The following NCOA2 variants were observed in gnomAD, a reference collection of about 807,000 sequenced individuals.
The protein encoded by NCOA2 is class E basic helix-loop-helix protein 75.
In NCOA2, 21 loss-of-function variants were observed where a neutral mutation model predicts 145.1. The observed-to-expected ratio is 0.14, with a 90% CI of 0.10 to 0.21. The LOEUF (loss-of-function observed/expected upper bound fraction) is 0.21, where lower values mean the gene tolerates loss of function less well. NCOA2 is among the 10% of genes least tolerant of loss of function. The pLI is 1.00. For synonymous variants in NCOA2, 619 were observed against 637.5 expected (o/e 0.97, Z 0.44); for missense variants, 1,472 against 1,837.6 (o/e 0.80, Z 3.64).
chr8:70,123,187 T>C (rs544439879), intron 21 of NCOA2, among the ~76,000 whole-genome samples: 3 of 152,348 alleles, frequency 2.0e-5, no homozygotes, highest in African/African-American at 7.2e-5. Context: ...CGCAAAACAA[T>C]TATTTTAAAA....
rs946168697 is a variant in NCOA2, at chr8:70,156,104, G to A, written c.2261C>T (p.Thr754Ile). 1.9e-6 allele frequency: 3 copies of A among 1,613,832 alleles called. No individual in the cohort carries two copies. The highest frequency in any genetic ancestry group is 1.3e-5 in the African/African-American group (1 of 74,898). Residue 754 changes from threonine to isoleucine, a missense_variant, in exon 11 of 23, where the codon ACT (threonine) becomes ATT (isoleucine). Physicochemically the swap from Thr to Ile is moderately conservative, Grantham distance 89. This residue lies in a region of NCOA2 where 953 missense variants were observed against 1,062.1 expected (regional missense o/e 0.90). Coordinates refer to ENST00000452400, the MANE Select transcript of NCOA2 (RefSeq NM_006540.4). ...LLRYLLDKDD[T>I]KDIGLPEITP... ...TATTTCTGGTAAACCAATATCTTTA[G>A]TATCATCTTTATCTAGCAAATAGCG...
At chr8:70,137,967 C>T in intron 15 of NCOA2, 1 of 341,676 alleles carries the variant, frequency 2.9e-6, no homozygotes, top group Non-Finnish European at 5.2e-6. Flanking sequence ...CACACACTAC[C>T]TCAATATTAC....
intron 2 of NCOA2, among the ~76,000 whole-genome samples, chr8:70,250,827 TATTA>T (rs1823105754): frequency 6.6e-6 from 1 of 152,216 alleles, no homozygotes; most frequent in Non-Finnish European, 1.5e-5. Context: ...TCATTTGTAA[TATTA>T]ATTTGTAAAC....
intron 2 of NCOA2, among the ~76,000 whole-genome samples, chr8:70,280,036 A>G (rs77292733): frequency 0.037 from 5,585 of 152,296 alleles, 361 homozygotes; most frequent in African/African-American, 0.13. Context: ...ATGACTACAC[A>G]CATCAAGAAT....
At chr8:70,250,035 A>G (rs1246592906) in intron 2 of NCOA2, among the ~76,000 whole-genome samples, 1 of 151,426 alleles carries the variant, frequency 6.6e-6, no homozygotes, top group Admixed American at 6.6e-5. Flanking sequence ...AAACTGGGTG[A>G]GACCAGAGGT....
Position 70,374,512 on chromosome 8 carries a change from A to G in NCOA2, c.-77+29188T>C, listed in dbSNP as rs554987337. Among the ~76,000 whole-genome samples, 28 of 152,104 alleles carry G rather than the reference A, an allele frequency of 1.8e-4. No individual in the cohort carries two copies. The South Asian group carries it at 5.6e-3, about 30-fold the overall frequency. On this transcript the variant is annotated intron_variant, in intron 1 of 22. Coordinates refer to ENST00000452400, the MANE Select transcript of NCOA2 (RefSeq NM_006540.4). ...GAAAAAAGAAATGGACACACATAAA[A>G]GAAAGTGAGGCCAGGTGCTGTGGCT... is the stretch of plus-strand genomic sequence containing the variant.
intron 1 of NCOA2, among the ~76,000 whole-genome samples, chr8:70,380,069 C>T (rs952438062): frequency 2.0e-5 from 3 of 151,976 alleles, no homozygotes; most frequent in Admixed American, 2.0e-4. Context: ...CAGCTTAAGC[C>T]TTCTATAAAT....
At chr8:70,386,571 A>G (rs1449207076) in intron 1 of NCOA2, among the ~76,000 whole-genome samples, 1 of 152,244 alleles carries the variant, frequency 6.6e-6, no homozygotes, top group Admixed American at 6.5e-5. Context: ...CACACTGTAT[A>G]TGAGAAGAAA....
chr8:70,384,207 T>C (rs184338783), intron 1 of NCOA2, among the ~76,000 whole-genome samples: 7 of 152,074 alleles, frequency 4.6e-5, no homozygotes, highest in South Asian at 4.2e-4. Flanking sequence ...TTGCTTTCCA[T>C]GGTGATTCAA....
At chr8:70,340,124 AAAAG>A (rs1807991472) in intron 1 of NCOA2, among the ~76,000 whole-genome samples, 1 of 152,230 alleles carries the variant, frequency 6.6e-6, no homozygotes, top group African/African-American at 2.4e-5. Context: ...TCTGCACAGA[AAAAG>A]AAACTATCAT....
intron 19 of NCOA2, among the ~76,000 whole-genome samples, chr8:70,125,974 A>G (rs1391158508): frequency 6.6e-6 from 1 of 152,218 alleles, no homozygotes; most frequent in Non-Finnish European, 1.5e-5. Context: ...TGCATATTTA[A>G]TTAATATTTA....
intron 2 of NCOA2, among the ~76,000 whole-genome samples, chr8:70,249,248 C>A (rs190782893): frequency 6.6e-6 from 1 of 152,308 alleles, no homozygotes; most frequent in African/African-American, 2.4e-5. Flanking sequence ...CTCTAACCCA[C>A]AGCAGCATCT....
At chr8:70,374,330 G>C (rs1238967314) in intron 1 of NCOA2, among the ~76,000 whole-genome samples, 1 of 151,986 alleles carries the variant, frequency 6.6e-6, no homozygotes, top group Non-Finnish European at 1.5e-5. Flanking sequence ...AAATTAGCCA[G>C]GCATGGTGGC....
chr8:70,309,869 G>T (rs572338985), intron 1 of NCOA2, among the ~76,000 whole-genome samples: 2 of 152,008 alleles, frequency 1.3e-5, no homozygotes, highest in Non-Finnish European at 2.9e-5. Flanking sequence ...CAGGAGGATC[G>T]TTTGAGCCCA....
chr8:70,341,094 A>AAAAAAAAAG (rs751360659), intron 1 of NCOA2, among the ~76,000 whole-genome samples: 2 of 150,330 alleles, frequency 1.3e-5, no homozygotes, highest in East Asian at 2.0e-4. Flanking sequence ...AAAAAAAAAA[A>AAAAAAAAAG]AAAGAAACAA....
intron 2 of NCOA2, among the ~76,000 whole-genome samples, chr8:70,285,373 A>ATT (rs1826165929): frequency 6.6e-6 from 1 of 152,208 alleles, no homozygotes; most frequent in Non-Finnish European, 1.5e-5. Flanking sequence ...TTCAGCTAAG[A>ATT]TGATAACCAA....
In NCOA2 at chr8:70,166,579, T is replaced by C. The variant is rs1372524923; in HGVS notation, c.717A>G (p.Lys239=). 6.2e-7 allele frequency: 1 copy of C among 1,614,016 alleles called. No individual in the cohort carries two copies. Among genetic ancestry groups the C allele is most frequent in the Non-Finnish European group, 8.5e-7 (1 of 1,179,878 alleles). Residue 239 remains lysine (K), a synonymous_variant, in exon 7 of 23, where the codon AAA becomes AAG. Coordinates refer to ENST00000452400, the MANE Select transcript of NCOA2 (RefSeq NM_006540.4). The stretch of plus-strand genomic sequence containing the variant: ...ATTCTGTCCCACCTTCTCCTTCTTC[T>C]TTGATGGACTTTGGTTGAGAGACAG... The part of the protein sequence containing the change: ...CFAVSQPKSI[K]EEGEDLQSCL...
chr8:70,389,857 G>T (rs565187290), intron 1 of NCOA2, among the ~76,000 whole-genome samples: 87 of 150,916 alleles, frequency 5.8e-4, no homozygotes, highest in South Asian at 1.5e-3. Context: ...GTAGAGATGG[G>T]GTTTCACCAT....
intron 1 of NCOA2, among the ~76,000 whole-genome samples, chr8:70,339,763 A>G (rs929672410): frequency 6.6e-6 from 1 of 152,166 alleles, no homozygotes; most frequent in African/African-American, 2.4e-5. Context: ...AACAGAATAG[A>G]GAACTCAGTA....
Sources: gnomAD v4.1 joint callset for allele counts (sites outside exome capture counted in the v4.1 genomes callset) on GRCh38, gnomAD v4.1.1 for gene constraint, gnomAD v4.1.1 regional missense constraint, MANE v1.5 for transcripts, NCBI Gene and HGNC (gene_info 2026-07-23, HGNC 2026-07-21) for gene names.